Variants in PRKN observed in about 807,000 individuals in gnomAD.
PRKN encodes parkin RBR E3 ubiquitin protein ligase, also known as E3 ubiquitin-protein ligase parkin.
PRKN carries 56 observed loss-of-function variants against 59.5 expected under a neutral mutation model. The ratio of observed to expected loss-of-function variants is 0.94; its 90% CI spans 0.76 to 1.18. PRKN has a LOEUF of 1.18. PRKN is among the 50% of genes most tolerant of loss of function. The probability of loss-of-function intolerance (pLI) is 0.00; values close to 1 mark genes in which losing one functional copy is unlikely to be tolerated. For missense variants in PRKN, 657 were observed against 596.4 expected (o/e 1.10, Z -1.06); for synonymous variants, 250 against 222.1 (o/e 1.13, Z -1.12).
At chr6:161,491,619 GAA>G (rs1217575023) in intron 9 of PRKN, among the ~76,000 whole-genome samples, 4 of 149,584 alleles carry the variant, frequency 2.7e-5, no homozygotes, top group Non-Finnish European at 4.5e-5. Flanking sequence ...CTTTGTACGG[GAA>G]AGTGACTTAA....
chr6:161,657,265 G>A (rs142085076), intron 7 of PRKN, among the ~76,000 whole-genome samples: 5,835 of 152,182 alleles, frequency 0.038, 155 homozygotes, highest in Non-Finnish European at 0.056. Flanking sequence ...CGCCCATGCC[G>A]CCACTTCTCA....
chr6:162,491,284 A>AAAC (rs1792803197), intron 1 of PRKN, among the ~76,000 whole-genome samples: 1 of 151,848 alleles, frequency 6.6e-6, no homozygotes, highest in Admixed American at 6.6e-5. Context: ...AAAAAAAAAA[A>AAAC]AACCAACCAA....
chr6:161,513,739 T>C (rs899959406), intron 9 of PRKN, among the ~76,000 whole-genome samples: 3 of 152,080 alleles, frequency 2.0e-5, no homozygotes, highest in Admixed American at 1.3e-4. Context: ...GACTTTCCCC[T>C]GTAAGACATC....
At chr6:162,337,073 G>C (rs1783878225) in intron 2 of PRKN, among the ~76,000 whole-genome samples, 1 of 152,174 alleles carries the variant, frequency 6.6e-6, no homozygotes, top group Non-Finnish European at 1.5e-5. Context: ...TGACTCTTAT[G>C]TATCTTGTGA....
intron 9 of PRKN, among the ~76,000 whole-genome samples, chr6:161,469,584 A>AG (rs1790674178): frequency 2.0e-5 from 3 of 151,426 alleles, no homozygotes; most frequent in Non-Finnish European, 4.4e-5. Context: ...AGAGAGAGAG[A>AG]AAGAGAAAGA....
At chr6:161,671,032 C>T (rs1784889789) in intron 7 of PRKN, among the ~76,000 whole-genome samples, 1 of 151,994 alleles carries the variant, frequency 6.6e-6, no homozygotes, top group Non-Finnish European at 1.5e-5. Flanking sequence ...CGTGTGTTTT[C>T]TTCATGTTTG....
intron 2 of PRKN, among the ~76,000 whole-genome samples, chr6:162,314,864 G>T (rs1028230489): frequency 6.6e-6 from 1 of 152,066 alleles, no homozygotes; most frequent in Non-Finnish European, 1.5e-5. Flanking sequence ...CTGAACATGG[G>T]ATCAAGTAAA....
intron 1 of PRKN, among the ~76,000 whole-genome samples, chr6:162,574,411 C>T (rs1246972888): frequency 6.6e-6 from 1 of 152,092 alleles, no homozygotes; most frequent in East Asian, 1.9e-4. Flanking sequence ...GGTTATGCTG[C>T]CCAGTTACAT....
In PRKN at chr6:161,551,738, G is replaced by C. The variant is rs9346866; in HGVS notation, c.934-2735C>G. Among the ~76,000 whole-genome samples, 659 of 152,130 alleles carry C rather than the reference G, an allele frequency of 4.3e-3. 4 individuals are homozygous for C. Among genetic ancestry groups the C allele is most frequent in the African/African-American group, 0.015 (632 of 41,528 alleles). ...TTGCCAGTAAAAGGGAGCAGAGATC[G>C]GGGAGGCCATTGGATAGGACTCTGG... is the stretch of plus-strand genomic sequence containing the variant. On this transcript the variant is annotated intron_variant, in intron 8 of 11. Coordinates refer to ENST00000366898, the MANE Select transcript of PRKN (RefSeq NM_004562.3). The surrounding 1 kb of genome is among the most constrained non-coding windows in gnomAD (Gnocchi z 5.2).
At chr6:162,661,524 GGTGGCCTTATTAGGCA>G (rs1317132873) in intron 1 of PRKN, among the ~76,000 whole-genome samples, 1 of 152,084 alleles carries the variant, frequency 6.6e-6, no homozygotes, top group Non-Finnish European at 1.5e-5. Context: ...GAGACCTGGC[GGTGGCCTTATTAGGCA>G]GGGTGGGGAA....
chr6:161,381,496 G>A (rs1342921989), intron 10 of PRKN, among the ~76,000 whole-genome samples: 1 of 152,174 alleles, frequency 6.6e-6, no homozygotes, highest in Non-Finnish European at 1.5e-5. Context: ...CGATACAAGT[G>A]CATATCCCAA....
intron 4 of PRKN, among the ~76,000 whole-genome samples, chr6:162,057,951 T>C (rs1196271063): frequency 2.6e-5 from 4 of 152,304 alleles, no homozygotes; most frequent in Middle Eastern, 3.4e-3. Context: ...TTATTAAATA[T>C]ATATGTAATG....
chr6:162,154,335 T>C (rs1160072901), intron 4 of PRKN, among the ~76,000 whole-genome samples: 2 of 148,422 alleles, frequency 1.3e-5, no homozygotes, highest in Non-Finnish European at 2.9e-5. Flanking sequence ...GAGAAAAAAA[T>C]AATAAGAAAA....
chr6:161,619,373 A>T (rs6455738), intron 7 of PRKN, among the ~76,000 whole-genome samples: 1 of 145,888 alleles, frequency 6.9e-6, no homozygotes, highest in Non-Finnish European at 1.5e-5. Context: ...ACTGTTCTAT[A>T]TCCAGGTAAT....
chr6:161,743,263 AGGCTGGAGT>A (rs1788270088), intron 7 of PRKN, among the ~76,000 whole-genome samples: 1 of 114,484 alleles, frequency 8.7e-6, no homozygotes, highest in Non-Finnish European at 1.6e-5. Flanking sequence ...TCTGTCGCCC[AGGCTGGAGT>A]GCAGTGGTGC....
At chr6:162,301,035 T>C (rs1293727534) in intron 2 of PRKN, among the ~76,000 whole-genome samples, 1 of 151,972 alleles carries the variant, frequency 6.6e-6, no homozygotes, top group East Asian at 1.9e-4. Flanking sequence ...AAAAAAGAGA[T>C]AATATATTTA....
At chr6:162,052,417 T>G in intron 5 of PRKN, among the ~76,000 whole-genome samples, 1 of 152,216 alleles carries the variant, frequency 6.6e-6, no homozygotes, top group East Asian at 1.9e-4. Flanking sequence ...GATTTCAATT[T>G]CTATGTTCTT....
intron 3 of PRKN, among the ~76,000 whole-genome samples, chr6:162,219,821 G>A (rs1024874536): frequency 6.6e-6 from 1 of 152,010 alleles, no homozygotes; most frequent in Non-Finnish European, 1.5e-5. Context: ...AATGATGTTG[G>A]AGAATAGTAA....
intron 9 of PRKN, among the ~76,000 whole-genome samples, chr6:161,434,308 G>A (rs1475824980): frequency 9.1e-6 from 1 of 109,444 alleles, no homozygotes; most frequent in Non-Finnish European, 2.0e-5. Flanking sequence ...ACTTATTTCT[G>A]TGTCTGCTTA....
Sources: gnomAD v4.1 joint callset for allele counts (sites outside exome capture counted in the v4.1 genomes callset) on GRCh38, gnomAD v4.1.1 for gene constraint, Gnocchi (gnomAD v3.1) non-coding constraint, MANE v1.5 for transcripts, NCBI Gene and HGNC (gene_info 2026-07-23, HGNC 2026-07-21) for gene names.